KCNH5: variants seen among roughly 807,000 people sequenced by gnomAD.
KCNH5 encodes voltage-gated delayed rectifier potassium channel KCNH5.
KCNH5 carries 46 observed loss-of-function variants against 96.1 expected under a neutral mutation model. The ratio of observed to expected loss-of-function variants is 0.48; its 90% CI spans 0.38 to 0.61. The LOEUF is 0.61. Among genes scored for constraint, KCNH5 ranks in the 20% least tolerant of loss-of-function variants. The pLI, the probability that KCNH5 is intolerant of heterozygous loss-of-function variation, is 0.00. For missense variants in KCNH5, 907 were observed against 1,225.8 expected, an observed-to-expected ratio of 0.74 and a Z score of 3.88; for synonymous variants, 439 against 449.8, an observed-to-expected ratio of 0.98 and a Z score of 0.30.
At chr14:62,869,956 T>C (rs200000706) in intron 7 of KCNH5, among the ~76,000 whole-genome samples, 2 of 152,098 alleles carry the variant, frequency 1.3e-5, no homozygotes, top group African/African-American at 2.4e-5. Context: ...TCAAGATTAA[T>C]TGAAGATTTA....
At chr14:62,719,904 C>T (rs1488240005) in intron 10 of KCNH5, among the ~76,000 whole-genome samples, 3 of 152,218 alleles carry the variant, frequency 2.0e-5, no homozygotes, top group African/African-American at 7.2e-5. Flanking sequence ...AAGATATTTA[C>T]ATTACGGATA....
At chr14:63,007,496 T>A (rs1244706982) in intron 2 of KCNH5, among the ~76,000 whole-genome samples, 1 of 152,160 alleles carries the variant, frequency 6.6e-6, no homozygotes, top group African/African-American at 2.4e-5. Flanking sequence ...CACAGTACAC[T>A]AAATAAATAT....
intron 1 of KCNH5, among the ~76,000 whole-genome samples, chr14:63,027,084 G>A (rs548722263): frequency 1.3e-5 from 2 of 151,980 alleles, no homozygotes; most frequent in East Asian, 1.9e-4. Flanking sequence ...TATTTTAAGC[G>A]AAATAAGTCA....
chr14:62,846,451 T>C (rs1328864418), intron 8 of KCNH5, among the ~76,000 whole-genome samples: 1 of 152,094 alleles, frequency 6.6e-6, no homozygotes, highest in Non-Finnish European at 1.5e-5. Context: ...ATTACTTTAA[T>C]ATGTACAAAG....
intron 8 of KCNH5, among the ~76,000 whole-genome samples, chr14:62,815,212 A>G (rs1051533676): frequency 5.3e-5 from 8 of 152,182 alleles, no homozygotes; most frequent in African/African-American, 1.9e-4. Context: ...ATCCATTTAT[A>G]TAAAGTTCAT....
intron 4 of KCNH5, among the ~76,000 whole-genome samples, chr14:62,994,893 C>T (rs1890878815): frequency 6.6e-6 from 1 of 152,116 alleles, no homozygotes; most frequent in South Asian, 2.1e-4. Context: ...ACTCCATCAA[C>T]ACTGGCTTCC....
intron 1 of KCNH5, among the ~76,000 whole-genome samples, chr14:63,021,831 C>T (rs1891433492): frequency 6.6e-6 from 1 of 152,188 alleles, no homozygotes; most frequent in South Asian, 2.1e-4. Flanking sequence ...TTTCACAGAA[C>T]ACCATTCACT....
chr14:62,805,861 T>G (rs975970665), intron 8 of KCNH5, among the ~76,000 whole-genome samples: 2 of 152,198 alleles, frequency 1.3e-5, no homozygotes, highest in Non-Finnish European at 2.9e-5. Context: ...ATAAATTTTC[T>G]TGTAAGAGCT....
At chr14:62,788,042 T>C (rs998145731) in intron 9 of KCNH5, among the ~76,000 whole-genome samples, 4 of 152,192 alleles carry the variant, frequency 2.6e-5, no homozygotes, top group African/African-American at 9.7e-5. Context: ...AATATACTGG[T>C]AAGGCTATAG....
chr14:62,922,431 T>C (rs952910312), intron 7 of KCNH5, among the ~76,000 whole-genome samples: 5 of 152,168 alleles, frequency 3.3e-5, no homozygotes, highest in East Asian at 1.9e-4. Context: ...TTAACACCTA[T>C]AAATTCTTTG....
chr14:62,820,187 G>A (rs1887086767), intron 8 of KCNH5, among the ~76,000 whole-genome samples: 1 of 152,064 alleles, frequency 6.6e-6, no homozygotes, highest in African/African-American at 2.4e-5. Context: ...AGGAATGCTT[G>A]GGGAACAATG....
At chr14:63,003,502 A>T (rs866470302) in intron 3 of KCNH5, among the ~76,000 whole-genome samples, 23 of 123,232 alleles carry the variant, frequency 1.9e-4, no homozygotes, top group East Asian at 1.4e-3. Flanking sequence ...TTATATATAT[A>T]TTTTATATAT....
chr14:62,733,353 T>C (rs1885091175), intron 10 of KCNH5, among the ~76,000 whole-genome samples: 1 of 151,990 alleles, frequency 6.6e-6, no homozygotes, highest in Non-Finnish European at 1.5e-5. Context: ...GAGATTGCTT[T>C]CTCTCTCTGC....
At chr14:62,915,623 T>C (rs538215628) in intron 7 of KCNH5, among the ~76,000 whole-genome samples, 1 of 152,330 alleles carries the variant, frequency 6.6e-6, no homozygotes, top group African/African-American at 2.4e-5. Context: ...CAATTTACAT[T>C]GAAGTGAAAG....
intron 10 of KCNH5, among the ~76,000 whole-genome samples, chr14:62,740,450 G>T (rs1885247986): frequency 6.6e-6 from 1 of 151,970 alleles, no homozygotes; most frequent in Middle Eastern, 3.2e-3. Flanking sequence ...CTGCTGTCCA[G>T]CCCCTGCCCC....
chr14:62,825,766 CCTTT>C (rs747715573), intron 8 of KCNH5, among the ~76,000 whole-genome samples: 33 of 151,252 alleles, frequency 2.2e-4, no homozygotes, highest in Middle Eastern at 3.4e-3. Context: ...TCTCTTTGTT[CCTTT>C]CTTTCTTTCT....
intron 7 of KCNH5, among the ~76,000 whole-genome samples, chr14:62,864,835 T>C (rs1888102667): frequency 6.6e-6 from 1 of 152,144 alleles, no homozygotes; most frequent in South Asian, 2.1e-4. Flanking sequence ...TCATTAAAAA[T>C]CTATGAATAT....
chr14:63,003,156 T>TG (rs1158096890), intron 3 of KCNH5, among the ~76,000 whole-genome samples: 1 of 152,130 alleles, frequency 6.6e-6, no homozygotes, highest in Non-Finnish European at 1.5e-5. Flanking sequence ...TTTCAAATTC[T>TG]GGCACAGAGT....
At chr14:62,901,579 T>C (rs1201535309) in intron 7 of KCNH5, among the ~76,000 whole-genome samples, 1 of 152,188 alleles carries the variant, frequency 6.6e-6, no homozygotes, top group Non-Finnish European at 1.5e-5. Flanking sequence ...TATGGCTGTG[T>C]AGTATTCCAT....
Sources: allele counts gnomAD v4.1 joint callset (sites outside exome capture counted in the v4.1 genomes callset), GRCh38; gene constraint gnomAD v4.1.1; transcripts MANE v1.5; gene names NCBI Gene and HGNC (gene_info 2026-07-23, HGNC 2026-07-21).